Variants in RASEF observed in about 807,000 individuals in gnomAD.
RASEF encodes ras and EF-hand domain-containing protein.
A neutral mutation model predicts 90.1 loss-of-function variants in RASEF; 68 were observed. That is an observed-to-expected ratio of 0.75 (90% CI 0.62 to 0.92). The LOEUF (loss-of-function observed/expected upper bound fraction) is 0.92, where lower values mean the gene tolerates loss of function less well. RASEF is among the 40% of genes least tolerant of loss of function. The pLI is 0.00. For synonymous variants in RASEF, 331 were observed against 345.2 expected (o/e 0.96, Z 0.46); for missense variants, 949 against 937.2 (o/e 1.01, Z -0.16).
At chr9:83,109,301 T>C in the RASEF span, among the ~76,000 whole-genome samples, 1 of 152,220 alleles carries the variant, frequency 6.6e-6, no homozygotes, top group Non-Finnish European at 1.5e-5. Flanking sequence ...TGGTTTAGGC[T>C]TCCTGGGAGC....
the RASEF span, among the ~76,000 whole-genome samples, chr9:83,186,816 A>G: frequency 1.3e-5 from 2 of 152,114 alleles, no homozygotes; most frequent in African/African-American, 2.4e-5. Flanking sequence ...ATATGTATAT[A>G]TTTTTATTTT....
At chr9:83,006,026 A>G (rs1829124536) in intron 7 of RASEF, among the ~76,000 whole-genome samples, 1 of 152,192 alleles carries the variant, frequency 6.6e-6, no homozygotes, top group South Asian at 2.1e-4. Flanking sequence ...TTTCCATATG[A>G]CTTAACAGAA....
At chr9:83,196,759 AT>A in the RASEF span, among the ~76,000 whole-genome samples, 1 of 152,180 alleles carries the variant, frequency 6.6e-6, no homozygotes, top group Non-Finnish European at 1.5e-5. Context: ...GATGGTATTA[AT>A]TATTGACTCC....
At chr9:83,160,757 T>C in the RASEF span, among the ~76,000 whole-genome samples, 3 of 152,080 alleles carry the variant, frequency 2.0e-5, no homozygotes, top group African/African-American at 7.2e-5. Flanking sequence ...CCCAGAGGCC[T>C]AGGAAAAAAT....
the RASEF span, among the ~76,000 whole-genome samples, chr9:83,093,831 G>A: frequency 6.6e-6 from 1 of 152,262 alleles, no homozygotes. Context: ...CCGAGAGCGA[G>A]CGAGGGGTGT....
At chr9:82,998,237 T>A in intron 13 of RASEF, 128 bp downstream of exon 13, 1 of 567,776 alleles carries the variant, frequency 1.8e-6, no homozygotes, top group Non-Finnish European at 3.2e-6. Context: ...TAATTATACA[T>A]GTAATTATGC....
chr9:83,052,095 AT>A (rs1344993187), intron 1 of RASEF, among the ~76,000 whole-genome samples: 1 of 123,408 alleles, frequency 8.1e-6, no homozygotes, highest in African/African-American at 3.8e-5. Context: ...TTTTCTAATG[AT>A]TGGAATAGTT....
the RASEF span, among the ~76,000 whole-genome samples, chr9:83,085,307 GTC>G: frequency 2.3e-4 from 35 of 152,316 alleles, no homozygotes; most frequent in African/African-American, 8.2e-4. Context: ...AAATCTCAAT[GTC>G]CATGACATGA....
the RASEF span, chr9:83,201,161 A>C: frequency 3.3e-5 from 5 of 152,272 alleles, no homozygotes; most frequent in Admixed American, 6.5e-5. Context: ...CTAGCAAGTC[A>C]GACCAGGCTG....
intron 2 of RASEF, among the ~76,000 whole-genome samples, chr9:83,023,666 T>G (rs944357782): frequency 1.3e-5 from 2 of 152,258 alleles, no homozygotes; most frequent in Non-Finnish European, 2.9e-5. Context: ...GGGAAGTCAG[T>G]TCATTTCTGC....
At chr9:83,145,736 T>TA in the RASEF span, among the ~76,000 whole-genome samples, 25 of 151,704 alleles carry the variant, frequency 1.6e-4, no homozygotes, top group East Asian at 1.2e-3. Flanking sequence ...GGAAAATGGG[T>TA]AAAAAAATAA....
intron 1 of RASEF, among the ~76,000 whole-genome samples, chr9:83,060,716 C>T (rs1358468434): frequency 6.6e-6 from 1 of 152,202 alleles, no homozygotes; most frequent in Admixed American, 6.5e-5. Flanking sequence ...GCCATGGTAA[C>T]AATCTGATGC....
chr9:83,089,947 T>TAG, the RASEF span, among the ~76,000 whole-genome samples: 121 of 143,030 alleles, frequency 8.5e-4, no homozygotes, highest in African/African-American at 3.2e-3. Flanking sequence ...GATAGATAGA[T>TAG]ATAGATATAT....
chr9:83,084,257 C>G, the RASEF span, among the ~76,000 whole-genome samples: 2 of 152,012 alleles, frequency 1.3e-5, no homozygotes, highest in African/African-American at 4.8e-5. Context: ...TTATGAAGAT[C>G]CTAAATTAGT....
At chr9:83,048,524 G>C in intron 1 of RASEF, 1 of 984,940 alleles carries the variant, frequency 1.0e-6, no homozygotes, top group South Asian at 4.7e-5. Context: ...TGGGCATACA[G>C]TGGATACAAA....
At chr9:83,012,255 C>T (rs936368340) in intron 5 of RASEF, among the ~76,000 whole-genome samples, 179 bp downstream of exon 5, 1 of 152,090 alleles carries the variant, frequency 6.6e-6, no homozygotes, top group African/African-American at 2.4e-5. Context: ...CAATAAGTGG[C>T]ATATTATTGA....
intron 3 of RASEF, among the ~76,000 whole-genome samples, chr9:83,018,045 G>T (rs191485705): frequency 2.6e-5 from 4 of 152,080 alleles, no homozygotes; most frequent in African/African-American, 9.7e-5. Context: ...GAACAGAAGG[G>T]ACTCTACTGC....
intron 16 of RASEF, among the ~76,000 whole-genome samples, chr9:82,987,595 C>G (rs1828731390): frequency 6.6e-6 from 1 of 152,098 alleles, no homozygotes; most frequent in Admixed American, 6.5e-5. Context: ...AACTTACAGC[C>G]TCTCCCATCT....
the RASEF span, among the ~76,000 whole-genome samples, chr9:83,180,575 C>T: frequency 6.6e-6 from 1 of 151,364 alleles, no homozygotes; most frequent in African/African-American, 2.4e-5. Context: ...ATTTCTAGAG[C>T]ACATTAATAA....
Sources: gnomAD v4.1 joint callset for allele counts (sites outside exome capture counted in the v4.1 genomes callset) on GRCh38, gnomAD v4.1.1 for gene constraint, MANE v1.5 for transcripts, NCBI Gene and HGNC (gene_info 2026-07-23, HGNC 2026-07-21) for gene names.